C13orf42: variants seen among roughly 807,000 people sequenced by gnomAD.
C13orf42 encodes the protein chromosome 13 open reading frame 42, also known as uncharacterized protein C13orf42.
chr13:51,113,272 T>C (rs1442255874), upstream of C13orf42: 1 of 152,220 alleles, frequency 6.6e-6, no homozygotes, highest in Non-Finnish European at 1.5e-5. Flanking sequence ...CTGCAGAACA[T>C]TTCGTGAACA....
At chr13:51,114,528 A>G (rs1231106478), upstream of C13orf42, among the ~76,000 whole-genome samples, 3 of 151,948 alleles carry the variant, frequency 2.0e-5, no homozygotes, top group Non-Finnish European at 2.9e-5. Context: ...GGCTTATTTC[A>G]CTTATCATAA....
chr13:51,099,573 G>A (rs2137988869), intron 1 of C13orf42, among the ~76,000 whole-genome samples: 1 of 152,298 alleles, frequency 6.6e-6, no homozygotes, highest in African/African-American at 2.4e-5. Flanking sequence ...CTGGTAACAG[G>A]TTGTAGACTC....
At chr13:51,087,171 GATGA>G (rs1447247705) in intron 2 of C13orf42, among the ~76,000 whole-genome samples, 1 of 152,188 alleles carries the variant, frequency 6.6e-6, no homozygotes, top group African/African-American at 2.4e-5. Flanking sequence ...GTGCTCAACT[GATGA>G]ATGTGTTTGG....
intron 1 of C13orf42, among the ~76,000 whole-genome samples, chr13:51,105,699 T>A (rs1281965835): frequency 6.6e-6 from 1 of 152,232 alleles, no homozygotes; most frequent in Non-Finnish European, 1.5e-5. Flanking sequence ...CTGCATATTA[T>A]TTTGAGTGGT....
At chr13:51,126,516 T>A (rs536936994) in intron 1 of C13orf42, among the ~76,000 whole-genome samples, 6 of 152,344 alleles carry the variant, frequency 3.9e-5, no homozygotes, top group Admixed American at 2.0e-4. Flanking sequence ...TTAAAAAGCA[T>A]TACCTTCAGC....
intron 1 of C13orf42, among the ~76,000 whole-genome samples, chr13:51,128,068 C>T (rs1953589700): frequency 6.6e-6 from 1 of 152,212 alleles, no homozygotes. Context: ...CTCCCATCAG[C>T]ACCATGAGAG....
At chr13:51,125,920 T>C (rs1279058639) in intron 1 of C13orf42, among the ~76,000 whole-genome samples, 1 of 152,184 alleles carries the variant, frequency 6.6e-6, no homozygotes, top group East Asian at 1.9e-4. Flanking sequence ...GCGAGTCTTC[T>C]CAAATGCACC....
At chr13:51,127,945 A>G (rs1953589100) in intron 1 of C13orf42, among the ~76,000 whole-genome samples, 1 of 152,184 alleles carries the variant, frequency 6.6e-6, no homozygotes, top group Non-Finnish European at 1.5e-5. Context: ...TCGGCACAAG[A>G]TACAGGTCAT....
Position 51,082,782 on chromosome 13 carries a change from T to C in C13orf42, c.*1369A>G, listed in dbSNP as rs1953077708. Reference sequence around the variant, plus strand: ...ACTCGAAAAATAATAAAGAGAGGTATTAAAACATTTCTAGTATGGTTTCAT... The same window carrying C: ...ACTCGAAAAATAATAAAGAGAGGTACTAAAACATTTCTAGTATGGTTTCAT... On this transcript the variant is annotated 3_prime_UTR_variant, in exon 4 of 4. Transcript: ENST00000563710. The C allele has an allele frequency of 6.6e-6, 1 of 152,262 alleles. No individual in the cohort carries two copies. Among genetic ancestry groups the C allele is most frequent in the Non-Finnish European group, 1.5e-5 (1 of 68,044 alleles). 9.4% of individuals were successfully genotyped at this position (152,262 alleles called of 1,614,324 possible).
intron 1 of C13orf42, among the ~76,000 whole-genome samples, chr13:51,132,282 A>T (rs1279249304): frequency 6.6e-6 from 1 of 152,106 alleles, no homozygotes; most frequent in African/African-American, 2.4e-5. Context: ...CTCTACTAAA[A>T]ATACAAAAAT....
chr13:51,089,974 G>A (rs1953165807), intron 1 of C13orf42, among the ~76,000 whole-genome samples: 1 of 152,026 alleles, frequency 6.6e-6, no homozygotes, highest in South Asian at 2.1e-4. Flanking sequence ...GGTGGCAGCT[G>A]AGAAGAGGGA....
At chr13:51,164,755 A>G (rs530652488) in intron 1 of C13orf42, among the ~76,000 whole-genome samples, 3 of 152,380 alleles carry the variant, frequency 2.0e-5, no homozygotes, top group African/African-American at 7.2e-5. Context: ...GAGACAGTGA[A>G]GCAAAATTTC....
At chr13:51,107,217 G>A (rs1953367304) in intron 1 of C13orf42, among the ~76,000 whole-genome samples, 2 of 152,166 alleles carry the variant, frequency 1.3e-5, no homozygotes, top group Admixed American at 1.3e-4. Flanking sequence ...CATGTCAATG[G>A]GACCTGTTAG....
intron 1 of C13orf42, among the ~76,000 whole-genome samples, chr13:51,107,175 C>T (rs889085044): frequency 6.6e-6 from 1 of 152,160 alleles, no homozygotes; most frequent in African/African-American, 2.4e-5. Context: ...GGGTAACAGA[C>T]CATTTGGTAC....
At chr13:51,086,942 T>C (rs913511877) in intron 2 of C13orf42, among the ~76,000 whole-genome samples, 2 of 152,092 alleles carry the variant, frequency 1.3e-5, no homozygotes, top group Non-Finnish European at 2.9e-5. Flanking sequence ...ATCCCACAGA[T>C]ACACATCTAT....
At chr13:51,161,513 ACAC>A (rs1953864172) in intron 1 of C13orf42, among the ~76,000 whole-genome samples, 1 of 152,110 alleles carries the variant, frequency 6.6e-6, no homozygotes, top group Non-Finnish European at 1.5e-5. Context: ...TCAGGCTCTT[ACAC>A]TCGAGGCCAA....
At chr13:51,097,924 G>C (rs150839746) in intron 1 of C13orf42, among the ~76,000 whole-genome samples, 1 of 152,176 alleles carries the variant, frequency 6.6e-6, no homozygotes, top group Non-Finnish European at 1.5e-5. Flanking sequence ...GTATCTTATT[G>C]CCAGCTCCAC....
rs576466369 is a variant in C13orf42 at position 51,155,815 on chromosome 13, G to A, written n.136+16438C>T. 2.0e-5 allele frequency among the ~76,000 whole-genome samples: 3 copies of A among 152,300 alleles called. No homozygotes were observed. In the East Asian group the frequency reaches 5.8e-4, roughly 29 times the overall value. On this transcript the variant is annotated intron_variant and non_coding_transcript_variant, in intron 1 of 4. Transcript: ENST00000433280. Reference sequence around the variant, plus strand: ...AAGAGACTCTGGTCAGGCATCACAGGTGACCTCAGAGGCGGGGTCTTGTTC... The same window carrying A: ...AAGAGACTCTGGTCAGGCATCACAGATGACCTCAGAGGCGGGGTCTTGTTC...
chr13:51,159,879 A>C (rs1277682432), intron 1 of C13orf42, among the ~76,000 whole-genome samples: 7 of 152,364 alleles, frequency 4.6e-5, no homozygotes, highest in Admixed American at 2.6e-4. Flanking sequence ...AATTGGACTT[A>C]CAGTTCCACA....
Sources: gnomAD v4.1 joint callset for allele counts (sites outside exome capture counted in the v4.1 genomes callset) on GRCh38, gnomAD v4.1.1 for gene constraint, MANE v1.5 for transcripts, NCBI Gene and HGNC (gene_info 2026-07-23, HGNC 2026-07-21) for gene names.